Variants in CNBD1 observed in about 807,000 individuals in gnomAD.
CNBD1 encodes cyclic nucleotide-binding domain-containing protein 1.
Under a neutral mutation model 54.4 loss-of-function variants are expected in CNBD1, and 71 were observed. The ratio of observed to expected loss-of-function variants is 1.30; its 90% CI spans 1.08 to 1.59. The LOEUF (loss-of-function observed/expected upper bound fraction) is 1.59, where lower values mean the gene tolerates loss of function less well. Among genes scored for constraint, CNBD1 ranks in the 40% most tolerant of loss-of-function variants. CNBD1 has a pLI of 0.00. For missense variants in CNBD1, 659 were observed against 518.0 expected, an observed-to-expected ratio of 1.27 and a Z score of -2.64; for synonymous variants, 182 against 170.7, an observed-to-expected ratio of 1.07 and a Z score of -0.51.
intron 4 of CNBD1, among the ~76,000 whole-genome samples, chr8:87,130,861 T>C (rs1025212788): frequency 1.3e-5 from 2 of 152,126 alleles, no homozygotes; most frequent in Non-Finnish European, 2.9e-5. Flanking sequence ...TTTTTATTAA[T>C]TTTGTCCATT....
In CNBD1 at chr8:86,887,904, C is replaced by T. The variant is rs571677475; in HGVS notation, c.158+293C>T. On this transcript the variant is annotated intron_variant, in intron 2 of 10. Transcript: ENST00000518476. ...GGAAAAAGCCTTAAGTGGTTGAAAA[C>T]ACACATACTGAATGAAATAAGTACC... is the stretch of plus-strand genomic sequence containing the variant. Among the ~76,000 whole-genome samples, 5 of 152,244 alleles carry T rather than the reference C, an allele frequency of 3.3e-5. No homozygotes were observed. The South Asian group carries it at 1.0e-3, about 32-fold the overall frequency.
chr8:87,057,350 A>ACTT (rs1247438360), intron 4 of CNBD1, among the ~76,000 whole-genome samples: 65 of 152,302 alleles, frequency 4.3e-4, no homozygotes, highest in African/African-American at 1.5e-3. Flanking sequence ...ACTTTAATAA[A>ACTT]ACCATCAGAT....
At chr8:87,078,094 C>T (rs1257305929) in intron 4 of CNBD1, among the ~76,000 whole-genome samples, 1 of 152,056 alleles carries the variant, frequency 6.6e-6, no homozygotes, top group Non-Finnish European at 1.5e-5. Context: ...GAACACAAAC[C>T]TTCAGTCTAT....
intron 1 of CNBD1, among the ~76,000 whole-genome samples, chr8:86,882,596 T>C (rs1260015972): frequency 6.6e-6 from 1 of 152,190 alleles, no homozygotes; most frequent in Non-Finnish European, 1.5e-5. Flanking sequence ...TCAACCATTG[T>C]GGAAGACAGT....
At chr8:87,176,515 C>G (rs1342942552) in intron 4 of CNBD1, among the ~76,000 whole-genome samples, 1 of 143,590 alleles carries the variant, frequency 7.0e-6, no homozygotes, top group Admixed American at 7.1e-5. Flanking sequence ...TGGAGTTTCA[C>G]TCTTCTTACC....
At chr8:86,866,908 C>T (rs1808372885) in intron 1 of CNBD1, among the ~76,000 whole-genome samples, 1 of 152,128 alleles carries the variant, frequency 6.6e-6, no homozygotes, top group African/African-American at 2.4e-5. Context: ...CTATCAGGTT[C>T]CTTTTTCTAG....
At chr8:87,181,717 C>G (rs962267856) in intron 4 of CNBD1, among the ~76,000 whole-genome samples, 2 of 152,096 alleles carry the variant, frequency 1.3e-5, no homozygotes, top group African/African-American at 2.4e-5. Flanking sequence ...GATTTCTACT[C>G]TGATACTTAA....
intron 4 of CNBD1, among the ~76,000 whole-genome samples, chr8:87,090,558 A>C (rs1363665916): frequency 6.6e-6 from 1 of 152,176 alleles, no homozygotes; most frequent in Non-Finnish European, 1.5e-5. Flanking sequence ...CTGATCTTCA[A>C]AATTAATTTT....
intron 8 of CNBD1, among the ~76,000 whole-genome samples, chr8:87,290,024 TG>T (rs944115236): frequency 6.6e-6 from 1 of 152,134 alleles, no homozygotes; most frequent in Non-Finnish European, 1.5e-5. Flanking sequence ...TCACCATATT[TG>T]TTACTTTTTA....
At chr8:87,390,370 A>G (rs968563595) in intron 2 of CNBD1, among the ~76,000 whole-genome samples, 5 of 152,240 alleles carry the variant, frequency 3.3e-5, no homozygotes, top group Non-Finnish European at 7.3e-5. Flanking sequence ...GCTAATATCC[A>G]GAATCTACAA....
intron 3 of CNBD1, among the ~76,000 whole-genome samples, chr8:86,909,129 A>T (rs905103700): frequency 6.6e-6 from 1 of 152,106 alleles, no homozygotes; most frequent in Non-Finnish European, 1.5e-5. Context: ...CATTTTTTTT[A>T]AAACAACAAC....
chr8:87,218,850 T>C (rs1814266941), intron 5 of CNBD1, among the ~76,000 whole-genome samples: 1 of 152,038 alleles, frequency 6.6e-6, no homozygotes, highest in South Asian at 2.1e-4. Context: ...TTTAATATTA[T>C]TCTTGCCTTC....
At chr8:87,134,468 G>T (rs1396135621) in intron 4 of CNBD1, among the ~76,000 whole-genome samples, 2 of 151,796 alleles carry the variant, frequency 1.3e-5, no homozygotes, top group Admixed American at 1.3e-4. Flanking sequence ...TTTCTAATTT[G>T]ACAGTATTCT....
At chr8:87,193,400 G>T (rs189660227) in intron 4 of CNBD1, among the ~76,000 whole-genome samples, 2 of 152,226 alleles carry the variant, frequency 1.3e-5, no homozygotes, top group East Asian at 3.9e-4. Context: ...TTTAATAATT[G>T]CTACTCATAA....
intron 8 of CNBD1, among the ~76,000 whole-genome samples, chr8:87,324,445 G>A (rs940706864): frequency 6.9e-6 from 1 of 145,576 alleles, no homozygotes; most frequent in Non-Finnish European, 1.5e-5. Context: ...GGCTCTTTTT[G>A]GTTGGTAAAC....
intron 4 of CNBD1, among the ~76,000 whole-genome samples, chr8:87,076,300 GGTAAT>G (rs1367596776): frequency 2.0e-5 from 3 of 152,104 alleles, no homozygotes; most frequent in Admixed American, 1.3e-4. Flanking sequence ...TGGATGATAT[GGTAAT>G]AGGGCCTGAT....
chr8:87,345,445 C>G (rs1452335360), intron 8 of CNBD1, among the ~76,000 whole-genome samples: 2 of 152,140 alleles, frequency 1.3e-5, no homozygotes, highest in African/African-American at 4.8e-5. Context: ...AGAAGTCCCC[C>G]AAGTATCAGT....
chr8:87,138,518 C>A (rs557642358), intron 4 of CNBD1, among the ~76,000 whole-genome samples: 1 of 152,206 alleles, frequency 6.6e-6, no homozygotes, highest in African/African-American at 2.4e-5. Flanking sequence ...AAACTTACTG[C>A]ACAAACGCAG....
At chr8:87,362,899 G>A (rs976363133) in intron 10 of CNBD1, among the ~76,000 whole-genome samples, 3 of 151,718 alleles carry the variant, frequency 2.0e-5, no homozygotes, top group Non-Finnish European at 2.9e-5. Flanking sequence ...TTTAAGTTAA[G>A]AACGTGCAGG....
Sources: gnomAD v4.1 joint callset for allele counts (sites outside exome capture counted in the v4.1 genomes callset) on GRCh38, gnomAD v4.1.1 for gene constraint, MANE v1.5 for transcripts, NCBI Gene and HGNC (gene_info 2026-07-23, HGNC 2026-07-21) for gene names.